SYT16: variants seen among roughly 807,000 people sequenced by gnomAD.
SYT16 encodes synaptotagmin-16.
Under a neutral mutation model 61.4 loss-of-function variants are expected in SYT16, and 42 were observed. That is an observed-to-expected ratio of 0.68 (90% CI 0.53 to 0.89). The LOEUF (loss-of-function observed/expected upper bound fraction) is 0.89, where lower values mean the gene tolerates loss of function less well. Ranked by LOEUF, SYT16 falls within the 40% of genes least tolerant of loss-of-function variation. The pLI, the probability that SYT16 is intolerant of heterozygous loss-of-function variation, is 0.00. For synonymous variants in SYT16, 314 were observed against 302.3 expected (o/e 1.04, Z -0.40); for missense variants, 804 against 807.3 (o/e 1.00, Z 0.05).
At chr14:62,087,813 A>C (rs1185033395) in intron 7 of SYT16, among the ~76,000 whole-genome samples, 1 of 152,194 alleles carries the variant, frequency 6.6e-6, no homozygotes, top group Non-Finnish European at 1.5e-5. Context: ...AGCCACTGAG[A>C]TAGAAACCCC....
chr14:62,031,692 A>G (rs993505152), intron 3 of SYT16, among the ~76,000 whole-genome samples: 1 of 152,168 alleles, frequency 6.6e-6, no homozygotes, highest in African/African-American at 2.4e-5. Flanking sequence ...AGACCTTATG[A>G]TTCATGTAAT....
chr14:62,013,551 A>G (rs1433127396), intron 3 of SYT16, among the ~76,000 whole-genome samples: 1 of 152,072 alleles, frequency 6.6e-6, no homozygotes, highest in Non-Finnish European at 1.5e-5. Flanking sequence ...TGTCACTCCC[A>G]TGGGCATGTT....
At chr14:62,030,276 A>G (rs1202155164) in intron 3 of SYT16, among the ~76,000 whole-genome samples, 2 of 152,186 alleles carry the variant, frequency 1.3e-5, no homozygotes, top group Non-Finnish European at 2.9e-5. Context: ...TTTCAGTCGC[A>G]TGGTAGTTTT....
At chr14:61,875,727 G>C (rs2047467009) in intron 1 of SYT16, among the ~76,000 whole-genome samples, 2 of 152,192 alleles carry the variant, frequency 1.3e-5, no homozygotes, top group African/African-American at 4.8e-5. Flanking sequence ...GGCACCCCAG[G>C]TGCCATTGGT....
intron 5 of SYT16, 25 bp downstream of exon 5, chr14:62,075,416 T>G (rs888008666): frequency 6.3e-7 from 1 of 1,580,720 alleles, no homozygotes; most frequent in Admixed American, 1.7e-5. Flanking sequence ...TTTCATTCTT[T>G]CATTGGTTCC....
intron 3 of SYT16, among the ~76,000 whole-genome samples, chr14:62,047,843 T>A (rs968754758): frequency 2.0e-5 from 3 of 152,240 alleles, no homozygotes; most frequent in Admixed American, 2.0e-4. Flanking sequence ...TCATGGTGGA[T>A]AAGCTTTTTG....
At chr14:61,958,165 C>CT (rs199565060) in intron 1 of SYT16, among the ~76,000 whole-genome samples, 4 of 151,044 alleles carry the variant, frequency 2.6e-5, no homozygotes, top group Non-Finnish European at 5.9e-5. Context: ...TTTGAGTTCC[C>CT]TTTTTTTTCT....
At chr14:61,859,515 C>T (rs769795797) in intron 1 of SYT16, among the ~76,000 whole-genome samples, 2 of 151,926 alleles carry the variant, frequency 1.3e-5, no homozygotes, top group South Asian at 2.1e-4. Flanking sequence ...CTTTTCCGCT[C>T]GGAAAACCCC....
intron 3 of SYT16, among the ~76,000 whole-genome samples, chr14:62,056,499 C>T (rs1007147045): frequency 2.0e-5 from 3 of 152,204 alleles, no homozygotes; most frequent in Non-Finnish European, 4.4e-5. Flanking sequence ...TATAAAACTC[C>T]GTTTCCGGAT....
chr14:62,059,550 G>T (rs1164859566), intron 3 of SYT16, among the ~76,000 whole-genome samples: 2 of 151,446 alleles, frequency 1.3e-5, no homozygotes, highest in Admixed American at 6.6e-5. Flanking sequence ...TTCTGGTATG[G>T]TTAATGCTTT....
At chr14:62,075,023 A>G (rs888675281) in intron 4 of SYT16, 112 bp from the exon 5 acceptor site, 14 of 1,161,008 alleles carry the variant, frequency 1.2e-5, no homozygotes, top group Non-Finnish European at 1.7e-5. Flanking sequence ...TATTATTGGT[A>G]TGGGTTCTGT....
chr14:62,031,684 A>G (rs377581542), intron 3 of SYT16, among the ~76,000 whole-genome samples: 2 of 152,184 alleles, frequency 1.3e-5, no homozygotes, highest in Admixed American at 6.6e-5. Flanking sequence ...CAGGGAGCAG[A>G]CCTTATGATT....
chr14:62,020,099 T>C (rs2053853662), intron 3 of SYT16, among the ~76,000 whole-genome samples: 3 of 152,236 alleles, frequency 2.0e-5, no homozygotes, highest in African/African-American at 4.8e-5. Context: ...TCACATGTAG[T>C]GGTTCCTGAA....
intron 7 of SYT16, among the ~76,000 whole-genome samples, chr14:62,087,450 T>C (rs2056924427): frequency 6.6e-6 from 1 of 152,166 alleles, no homozygotes; most frequent in Non-Finnish European, 1.5e-5. Context: ...TCAGGTGCAG[T>C]TACCTCTTCC....
At chr14:61,911,356 C>T (rs991472161) in intron 1 of SYT16, among the ~76,000 whole-genome samples, 7 of 152,276 alleles carry the variant, frequency 4.6e-5, no homozygotes, top group Non-Finnish European at 7.4e-5. Context: ...TAAGTATTTT[C>T]TGTCTAAAGT....
Position 61,901,741 on chromosome 14 carries a change from TATAATAATA to T in SYT16, c.-324-68376_-324-68368del, listed in dbSNP as rs369412092. ...AACATGATCATAGTGTTCATCTGCT[TATAATAATA>T]ATAATAATAATAATTATTATTATTA... On this transcript the variant is annotated intron_variant, in intron 1 of 7. Coordinates refer to ENST00000683842, the MANE Select transcript of SYT16 (RefSeq NM_001367656.1). Among the ~76,000 whole-genome samples, 6 of 147,570 alleles carry T rather than the reference TATAATAATA, an allele frequency of 4.1e-5. No homozygotes were observed. The East Asian group carries it at 9.8e-4, about 24-fold the overall frequency.
chr14:61,927,777 G>A (rs184310340), intron 1 of SYT16, among the ~76,000 whole-genome samples: 3 of 152,242 alleles, frequency 2.0e-5, no homozygotes, highest in African/African-American at 4.8e-5. Context: ...GTTGGGGTAC[G>A]TATTATTAAC....
chr14:62,099,193 C>T lies in SYT16; in HGVS notation c.1625-1201C>T, dbSNP rs75713796. On this transcript the variant is annotated intron_variant, in intron 7 of 7. Coordinates refer to ENST00000683842, the MANE Select transcript of SYT16 (RefSeq NM_001367656.1). ...TGTTTATTAGTGAGAGTGACATGGCCAGATTTGTATTTCACAGAGATTGCT... is the reference window on the plus strand; with the variant it reads ...TGTTTATTAGTGAGAGTGACATGGCTAGATTTGTATTTCACAGAGATTGCT... Among the ~76,000 whole-genome samples, 1,292 of 152,204 alleles carry T rather than the reference C, an allele frequency of 8.5e-3. 9 individuals are homozygous for T. The highest frequency in any genetic ancestry group is 0.038 in the East Asian group (198 of 5,170).
intron 1 of SYT16, among the ~76,000 whole-genome samples, chr14:61,915,691 A>G (rs1343840325): frequency 2.6e-5 from 4 of 152,200 alleles, no homozygotes; most frequent in African/African-American, 9.6e-5. Context: ...AGATATCTAT[A>G]TGAAGTTCAC....
Sources: gnomAD v4.1 joint callset for allele counts (sites outside exome capture counted in the v4.1 genomes callset) on GRCh38, gnomAD v4.1.1 for gene constraint, MANE v1.5 for transcripts, NCBI Gene and HGNC (gene_info 2026-07-23, HGNC 2026-07-21) for gene names.